ANAPC4: variants seen among roughly 807,000 people sequenced by gnomAD.
ANAPC4 encodes anaphase promoting complex subunit 4.
ANAPC4 carries 63 observed loss-of-function variants against 119.8 expected under a neutral mutation model. The observed-to-expected ratio is 0.53, with a 90% CI of 0.43 to 0.65. The LOEUF (loss-of-function observed/expected upper bound fraction) is 0.65, where lower values mean the gene tolerates loss of function less well. Among genes scored for constraint, ANAPC4 ranks in the 30% least tolerant of loss-of-function variants. The pLI, the probability that ANAPC4 is intolerant of heterozygous loss-of-function variation, is 0.00. For synonymous variants in ANAPC4, 283 were observed against 318.6 expected, an observed-to-expected ratio of 0.89 and a Z score of 1.19; for missense variants, 716 against 945.1, an observed-to-expected ratio of 0.76 and a Z score of 3.18.
chr4:25,412,077 G>T (rs796515592), intron 21 of ANAPC4, among the ~76,000 whole-genome samples: 12 of 152,182 alleles, frequency 7.9e-5, no homozygotes, highest in African/African-American at 2.9e-4. Context: ...CTCCCTTTCA[G>T]GTTGGATAAT....
intron 20 of ANAPC4, among the ~76,000 whole-genome samples, chr4:25,407,547 A>G (rs1577394981): frequency 6.6e-6 from 1 of 152,186 alleles, no homozygotes; most frequent in East Asian, 1.9e-4. Flanking sequence ...GGTTTCAGTG[A>G]GCCAAGATCA....
In ANAPC4 at chr4:25,405,900, G is replaced by A. The variant is rs1358174369; in HGVS notation, c.1317+281G>A. ...ACAGCATCCTTGTATTCCTTACTTT[G>A]ACTTCCTTAAATTTTAAATGCTTCT... On this transcript the variant is annotated intron_variant, in intron 18 of 28. Coordinates refer to ENST00000315368, the MANE Select transcript of ANAPC4 (RefSeq NM_013367.3). This position sits in a 1 kb window ranked among gnomAD's most constrained non-coding sequence, Gnocchi z 4.6. 6.6e-6 allele frequency among the ~76,000 whole-genome samples: 1 copy of A among 152,054 alleles called. No individual in the cohort carries two copies. Among genetic ancestry groups the A allele is most frequent in the Non-Finnish European group, 1.5e-5 (1 of 67,998 alleles).
At chr4:25,411,003 ATG>A (rs1723528550) in intron 21 of ANAPC4, among the ~76,000 whole-genome samples, 1 of 3,326 alleles carries the variant, frequency 3.0e-4, no homozygotes, top group South Asian at 2.6e-3. Context: ...GCTTCTGTGA[ATG>A]AATGAATGAA....
intron 4 of ANAPC4, 95 bp downstream of exon 4, chr4:25,383,488 C>A: frequency 1.7e-6 from 2 of 1,171,574 alleles, no homozygotes; most frequent in Non-Finnish European, 2.3e-6. Flanking sequence ...GGTGTATGTG[C>A]GTTGTATTTA....
At chr4:25,399,621 T>G (rs1357839163) in intron 16 of ANAPC4, among the ~76,000 whole-genome samples, 1 of 152,180 alleles carries the variant, frequency 6.6e-6, no homozygotes, top group African/African-American at 2.4e-5. Flanking sequence ...TCAGTGATGT[T>G]AATTTCGGCC....
intron 16 of ANAPC4, among the ~76,000 whole-genome samples, chr4:25,398,500 G>C (rs1229928711): frequency 6.6e-6 from 1 of 152,144 alleles, no homozygotes; most frequent in Non-Finnish European, 1.5e-5. Context: ...TATAGCTGAA[G>C]CAGATTGAAT....
chr4:25,385,928 T>G (rs1490804952), intron 4 of ANAPC4, among the ~76,000 whole-genome samples: 1 of 152,162 alleles, frequency 6.6e-6, no homozygotes, highest in African/African-American at 2.4e-5. Context: ...TTTATTTTTA[T>G]TTATTTATTA....
At position 25,406,897 on chromosome 4, in the gene ANAPC4, A is replaced by G. The variant is rs747237504; in HGVS notation, c.1374+12A>G. 1.1e-5 allele frequency: 17 copies of G among 1,570,508 alleles called. No homozygotes were observed. The highest frequency in any genetic ancestry group is 1.4e-5 in the Non-Finnish European group (16 of 1,153,716). Reference sequence around the variant, plus strand: ...AACATTTCAATGAGGTAAGAAGTTGATATTTCTGTAATGCAGTTTAAAAAA... The same window carrying G: ...AACATTTCAATGAGGTAAGAAGTTGGTATTTCTGTAATGCAGTTTAAAAAA... On this transcript the variant is annotated intron_variant, in intron 19 of 28. Coordinates refer to ENST00000315368, the MANE Select transcript of ANAPC4 (RefSeq NM_013367.3).
chr4:25,392,566 G>T, intron 10 of ANAPC4, 145 bp downstream of exon 10: 1 of 585,414 alleles, frequency 1.7e-6, no homozygotes, highest in East Asian at 2.8e-5. Context: ...GTCCATTAAA[G>T]CAGGAAAAGG....
At chr4:25,401,170 G>T in intron 16 of ANAPC4, among the ~76,000 whole-genome samples, 1 of 152,120 alleles carries the variant, frequency 6.6e-6, no homozygotes, top group South Asian at 2.1e-4. Context: ...ATCTTCCCTT[G>T]ATGGGTCACT....
At chr4:25,381,831 C>A (rs1560428056) in intron 3 of ANAPC4, among the ~76,000 whole-genome samples, 1 of 151,986 alleles carries the variant, frequency 6.6e-6, no homozygotes, top group Non-Finnish European at 1.5e-5. Context: ...ACCTGTAATC[C>A]CAGCTTCTCA....
chr4:25,396,038 C>T (rs1422599968), intron 14 of ANAPC4, among the ~76,000 whole-genome samples: 6 of 152,204 alleles, frequency 3.9e-5, no homozygotes, highest in Non-Finnish European at 7.3e-5. Flanking sequence ...TTGTCTCCTG[C>T]CTAGGGCTTT....
Position 25,396,693 on chromosome 4 carries a change from G to A in ANAPC4, c.1091G>A (p.Ser364Asn), listed in dbSNP as rs1722671430. 1.2e-6 allele frequency: 2 copies of A among 1,613,104 alleles called. No homozygotes were observed. The highest frequency in any genetic ancestry group is 8.5e-7 in the Non-Finnish European group (1 of 1,179,706). ...TCGGAGTCTTTATTATACCATTTGA[G>A]TGAATTGAAAGGAATGGCTTCATGG... ...SGSESLLYHL[S>N]ELKGMASWKQ... Residue 364 changes from serine to asparagine, a missense_variant, in exon 15 of 29, where the codon AGT (serine) becomes AAT (asparagine). Physicochemically the swap from Ser to Asn is conservative, Grantham distance 46 (BLOSUM62 1). Around this residue, in one of 3 missense-constraint regions of ANAPC4, gnomAD observed 504 missense variants for 615.8 expected, o/e 0.82. Coordinates refer to ENST00000315368, the MANE Select transcript of ANAPC4 (RefSeq NM_013367.3).
chr4:25,380,116 G>T (rs1489392025), intron 2 of ANAPC4, among the ~76,000 whole-genome samples: 1 of 152,134 alleles, frequency 6.6e-6, no homozygotes, highest in Non-Finnish European at 1.5e-5. Flanking sequence ...TGTCACCTTG[G>T]ACAGCCGCCT....
chr4:25,409,161 A>G (rs1319945857), intron 20 of ANAPC4, among the ~76,000 whole-genome samples: 1 of 152,200 alleles, frequency 6.6e-6, no homozygotes, highest in Non-Finnish European at 1.5e-5. Context: ...CATCTTGGGG[A>G]TTCCCAGGGG....
chr4:25,397,643 A>G (rs1257459322), intron 16 of ANAPC4, among the ~76,000 whole-genome samples: 3 of 151,874 alleles, frequency 2.0e-5, no homozygotes, highest in African/African-American at 7.3e-5. Context: ...CCTGAGGGTT[A>G]TTGGTTTTCA....
rs767807827 is a variant in ANAPC4, at chr4:25,409,720, A to G, written c.1454A>G (p.Asp485Gly). 19 of 1,612,150 alleles carry G rather than the reference A, an allele frequency of 1.2e-5. No individual in the cohort carries two copies. The South Asian group carries it at 2.0e-4, about 17-fold the overall frequency. ...VGQYLKDEDD[D>G]LVSPPNTEGN... Reference sequence around the variant, plus strand: ...TAGTACTTGAAAGATGAAGATGATGATCTTGTGTCACCCCCTAACACAGAA... The same window carrying G: ...TAGTACTTGAAAGATGAAGATGATGGTCTTGTGTCACCCCCTAACACAGAA... The change falls in exon 21 of 29, where the codon GAT becomes GGT. Residue 485 changes from aspartate (D) to glycine (G), a missense_variant. Asp to Gly is a moderately conservative substitution (Grantham distance 94, BLOSUM62 -1). This residue lies in a region of ANAPC4 where 504 missense variants were observed against 615.8 expected (regional missense o/e 0.82). Coordinates refer to ENST00000315368, the MANE Select transcript of ANAPC4 (RefSeq NM_013367.3).
In ANAPC4 at chr4:25,396,729, A is replaced by G; in HGVS notation, c.1127A>G (p.Tyr376Cys). 1.2e-6 allele frequency: 2 copies of G among 1,613,832 alleles called. No homozygotes were observed. The highest frequency in any genetic ancestry group is 1.7e-6 in the Non-Finnish European group (2 of 1,179,902). The change falls in exon 15 of 29, where the codon TAT becomes TGT. Residue 376 changes from tyrosine (Y) to cysteine (C), a missense_variant. By Grantham distance (194) the Tyr-to-Cys change is radical (BLOSUM62 -2). Transcript: ENST00000315368. Reference sequence around the variant, plus strand: ...GGAATGGCTTCATGGAAGCAAAAATATGAACCTCTTGGACTAGATGCTGCA... The same window carrying G: ...GGAATGGCTTCATGGAAGCAAAAATGTGAACCTCTTGGACTAGATGCTGCA... ...LKGMASWKQKYEPLGLDAAGI... is the reference protein window; with the variant it reads ...LKGMASWKQKCEPLGLDAAGI...
intron 3 of ANAPC4, among the ~76,000 whole-genome samples, chr4:25,380,820 G>A (rs1470227811): frequency 1.3e-5 from 2 of 152,256 alleles, no homozygotes; most frequent in Non-Finnish European, 2.9e-5. Flanking sequence ...CCACTCGCCA[G>A]TGAGTTAGTT....
Sources: allele counts gnomAD v4.1 joint callset (sites outside exome capture counted in the v4.1 genomes callset), GRCh38; gene constraint gnomAD v4.1.1; regional missense constraint gnomAD v4.1.1; non-coding constraint Gnocchi (gnomAD v3.1); transcripts MANE v1.5; gene names NCBI Gene and HGNC (gene_info 2026-07-23, HGNC 2026-07-21).